The following EZH2 variants were observed in gnomAD, a reference collection of about 807,000 sequenced individuals.
EZH2 encodes histone-lysine N-methyltransferase EZH2.
Under a neutral mutation model 98.4 loss-of-function variants are expected in EZH2, and 18 were observed. The ratio of observed to expected loss-of-function variants is 0.18; its 90% CI spans 0.13 to 0.27. The LOEUF is 0.27. EZH2 is among the 10% of genes least tolerant of loss of function. EZH2 has a pLI of 1.00. For missense variants in EZH2, 470 were observed against 935.1 expected, an observed-to-expected ratio of 0.50 and a Z score of 6.49; for synonymous variants, 338 against 312.3, an observed-to-expected ratio of 1.08 and a Z score of -0.87.
Position 148,807,578 on chromosome 7 carries a change from C to G in EZH2, c.*68G>C. On this transcript the variant is annotated 3_prime_UTR_variant, in exon 20 of 20. Transcript: ENST00000320356. Reference sequence around the variant, plus strand: ...AACTGCATGTTCTTTTTCTAAATTGCCCACAGTACTCGAGGTTCCTGAAGC... The same window carrying G: ...AACTGCATGTTCTTTTTCTAAATTGGCCACAGTACTCGAGGTTCCTGAAGC... 2 of 1,244,460 alleles carry G rather than the reference C, an allele frequency of 1.6e-6. No individual in the cohort carries two copies. The highest frequency in any genetic ancestry group is 2.3e-6 in the Non-Finnish European group (2 of 865,862). The allele number at this position is 1,244,460 out of a possible 1,614,324, so 77.1% of individuals were successfully genotyped here.
At chr7:148,815,149 T>G in intron 13 of EZH2, 110 bp from the exon 14 acceptor site, 1 of 1,335,170 alleles carries the variant, frequency 7.5e-7, no homozygotes, top group Non-Finnish European at 1.0e-6. Context: ...GTAGCTGGCC[T>G]GCCTTTACTG....
intron 17 of EZH2, among the ~76,000 whole-genome samples, 197 bp from the exon 18 acceptor site, chr7:148,809,587 A>C (rs549176130): frequency 2.0e-3 from 297 of 152,262 alleles, no homozygotes; most frequent in African/African-American, 6.9e-3. Flanking sequence ...TTAATCACCT[A>C]TAATTCAAGA....
At chr7:148,859,078 C>T (rs1273728487) in intron 1 of EZH2, among the ~76,000 whole-genome samples, 1 of 152,164 alleles carries the variant, frequency 6.6e-6, no homozygotes, top group African/African-American at 2.4e-5. Flanking sequence ...GGTTAATATG[C>T]ATTCATTAAG....
chr7:148,862,581 C>A (rs1198858313), intron 1 of EZH2, among the ~76,000 whole-genome samples: 1 of 152,110 alleles, frequency 6.6e-6, no homozygotes, highest in East Asian at 1.9e-4. Flanking sequence ...GTTTGTCAGA[C>A]CCTCTTTTAA....
At chr7:148,827,104 C>T in intron 7 of EZH2, 60 bp downstream of exon 7, 8 of 1,330,080 alleles carry the variant, frequency 6.0e-6, no homozygotes, top group Non-Finnish European at 8.4e-6. Context: ...TTGTAATAAA[C>T]CAAAATGGTG....
chr7:148,817,068 T>A, intron 11 of EZH2, 154 bp downstream of exon 11: 1 of 707,238 alleles, frequency 1.4e-6, no homozygotes, highest in African/African-American at 1.8e-5. Context: ...AGAATAATTT[T>A]CATTCAATTC....
intron 1 of EZH2, among the ~76,000 whole-genome samples, chr7:148,881,419 A>G (rs1459417601): frequency 6.6e-6 from 1 of 152,232 alleles, no homozygotes; most frequent in African/African-American, 2.4e-5. Context: ...AGGCAAAGCT[A>G]GGTATCAAAG....
intron 1 of EZH2, among the ~76,000 whole-genome samples, chr7:148,872,627 A>C (rs1478601828): frequency 6.6e-6 from 1 of 152,256 alleles, no homozygotes; most frequent in Non-Finnish European, 1.5e-5. Context: ...TACAAACAGA[A>C]TATATGAAAT....
chr7:148,849,438 A>C (rs1668358141), intron 1 of EZH2, among the ~76,000 whole-genome samples: 1 of 152,244 alleles, frequency 6.6e-6, no homozygotes. Context: ...AAAAGGACTA[A>C]GGACCTGAAG....
In EZH2 at chr7:148,816,630, G is replaced by C. The variant is rs973155520; in HGVS notation, c.1505+54C>G. ...AACAACAGCCCTTAGGAAGGGCCTTGCCTGCAGTGTCTATCTATGTTGACT... is the reference window on the plus strand; with the variant it reads ...AACAACAGCCCTTAGGAAGGGCCTTCCCTGCAGTGTCTATCTATGTTGACT... On this transcript the variant is annotated intron_variant, in intron 12 of 19. Coordinates refer to ENST00000320356, the MANE Select transcript of EZH2 (RefSeq NM_004456.5). 9 of 1,359,240 alleles carry C rather than the reference G, an allele frequency of 6.6e-6. No homozygotes were observed. In the African/African-American group the frequency reaches 8.6e-5, roughly 13 times the overall value. 84.2% of individuals were successfully genotyped at this position (1,359,240 alleles called of 1,614,324 possible).
intron 3 of EZH2, among the ~76,000 whole-genome samples, chr7:148,843,370 CA>C (rs978824632): frequency 2.0e-5 from 3 of 151,866 alleles, no homozygotes; most frequent in African/African-American, 7.3e-5. Flanking sequence ...GACCCTGTCA[CA>C]AAAACAAAAC....
intron 8 of EZH2, among the ~76,000 whole-genome samples, chr7:148,823,343 T>G (rs1411113102): frequency 6.6e-6 from 1 of 152,202 alleles, no homozygotes; most frequent in African/African-American, 2.4e-5. Flanking sequence ...TGGTCACCAT[T>G]AGAGACCAGT....
At chr7:148,815,464 A>G in intron 13 of EZH2, 42 bp downstream of exon 13, 1 of 1,574,750 alleles carries the variant, frequency 6.4e-7, no homozygotes, top group Non-Finnish European at 8.7e-7. Context: ...AACAAAGCAG[A>G]TATTGTTAAG....
At chr7:148,834,897 T>C (rs537046501) in intron 3 of EZH2, among the ~76,000 whole-genome samples, 1 of 152,350 alleles carries the variant, frequency 6.6e-6, no homozygotes, top group Non-Finnish European at 1.5e-5. Context: ...TACAACCTTA[T>C]GGTGTAGTTT....
intron 1 of EZH2, among the ~76,000 whole-genome samples, chr7:148,858,002 A>AC (rs1817091926): frequency 6.6e-6 from 1 of 151,244 alleles, no homozygotes; most frequent in African/African-American, 2.4e-5. Flanking sequence ...AAAAAAAAAA[A>AC]CAGGTAGTGG....
At chr7:148,844,118 A>T (rs1015643950) in intron 3 of EZH2, among the ~76,000 whole-genome samples, 1 of 152,186 alleles carries the variant, frequency 6.6e-6, no homozygotes, top group African/African-American at 2.4e-5. Flanking sequence ...CAAGCCTACC[A>T]CTAGGAAAGT....
At chr7:148,852,482 T>C (rs1816008863) in intron 1 of EZH2, among the ~76,000 whole-genome samples, 1 of 152,156 alleles carries the variant, frequency 6.6e-6, no homozygotes. Flanking sequence ...CCAAGGTACA[T>C]CTCCCTAGAC....
chr7:148,810,497 T>G, intron 16 of EZH2, 83 bp from the exon 17 acceptor site: 631 of 745,168 alleles, frequency 8.5e-4, no homozygotes, highest in Non-Finnish European at 1.2e-3. Flanking sequence ...ACAGAGTGAA[T>G]ACTGGACCTT....
Position 148,811,649 on chromosome 7 carries a change from T to C in EZH2, c.1923A>G (p.Glu641=). 1 of 1,613,790 alleles carries C rather than the reference T, an allele frequency of 6.2e-7. No individual in the cohort carries two copies. The highest frequency in any genetic ancestry group is 8.5e-7 in the Non-Finnish European group (1 of 1,179,998). ...IFIKDPVQKN[E]FISEYCGEII... is the part of the protein sequence containing the mutation. ...CCTCTCCACAGTATTCTGAGATGAA[T>C]TCATTTTTCTGCACAGGATCTTTGA... Residue 641 remains glutamate (E), a synonymous_variant, in exon 16 of 20, where the codon GAA becomes GAG. Coordinates refer to ENST00000320356, the MANE Select transcript of EZH2 (RefSeq NM_004456.5).
Sources: gnomAD v4.1 joint callset for allele counts (sites outside exome capture counted in the v4.1 genomes callset) on GRCh38, gnomAD v4.1.1 for gene constraint, MANE v1.5 for transcripts, NCBI Gene and HGNC (gene_info 2026-07-23, HGNC 2026-07-21) for gene names.